The following WWTR1 variants were observed in gnomAD, a reference collection of about 807,000 sequenced individuals.
WWTR1 encodes WW domain-containing transcription regulator protein 1.
WWTR1 carries 13 observed loss-of-function variants against 40.1 expected under a neutral mutation model. That is an observed-to-expected ratio of 0.32 (90% CI 0.21 to 0.52). The LOEUF (loss-of-function observed/expected upper bound fraction) is 0.52, where lower values mean the gene tolerates loss of function less well. Among genes scored for constraint, WWTR1 ranks in the 20% least tolerant of loss-of-function variants. The pLI, the probability that WWTR1 is intolerant of heterozygous loss-of-function variation, is 0.97. For synonymous variants in WWTR1, 230 were observed against 210.1 expected (o/e 1.09, Z -0.82); for missense variants, 436 against 523.1 (o/e 0.83, Z 1.63).
At chr3:149,680,537 C>T (rs575232739) in intron 1 of WWTR1, among the ~76,000 whole-genome samples, 32 of 151,398 alleles carry the variant, frequency 2.1e-4, no homozygotes, top group African/African-American at 7.3e-4. Context: ...AAGTGAGACC[C>T]TGTCTCAAAA....
chr3:149,669,860 T>TCTTGG (rs1334251148), exon 2 of WWTR1: 2 of 151,654 alleles, frequency 1.3e-5, no homozygotes, highest in Non-Finnish European at 2.9e-5. Flanking sequence ...AAGATAAGAG[T>TCTTGG]CAGATGAGCA....
At chr3:149,604,063 T>C (rs1397490364) in intron 2 of WWTR1, among the ~76,000 whole-genome samples, 1 of 152,208 alleles carries the variant, frequency 6.6e-6, no homozygotes, top group Non-Finnish European at 1.5e-5. Flanking sequence ...AGTAATACTA[T>C]AAGTAGTAGT....
At chr3:149,621,285 T>A (rs1201853369) in intron 2 of WWTR1, among the ~76,000 whole-genome samples, 1 of 152,230 alleles carries the variant, frequency 6.6e-6, no homozygotes, top group Non-Finnish European at 1.5e-5. Context: ...TTTTAAAAAT[T>A]CCAGACAGTA....
Position 149,520,591 on chromosome 3 carries a change from T to C in WWTR1, c.*214A>G. ...ATAATCTGTCACAAGAACGCAGGCTTGCAGAAAATGAAAATAGAATATTTA... is the reference window on the plus strand; with the variant it reads ...ATAATCTGTCACAAGAACGCAGGCTCGCAGAAAATGAAAATAGAATATTTA... On this transcript the variant is annotated 3_prime_UTR_variant, in exon 7 of 7. Coordinates refer to ENST00000360632, the MANE Select transcript of WWTR1 (RefSeq NM_015472.6). 1 of 414,818 alleles carries C rather than the reference T, an allele frequency of 2.4e-6. No individual in the cohort carries two copies. The highest frequency in any genetic ancestry group is 4.2e-6 in the Non-Finnish European group (1 of 239,490). 25.7% of individuals were successfully genotyped at this position (414,818 alleles called of 1,614,324 possible).
intron 1 of WWTR1, among the ~76,000 whole-genome samples, chr3:149,696,212 T>C (rs1441494588): frequency 6.6e-6 from 1 of 150,390 alleles, no homozygotes; most frequent in Non-Finnish European, 1.5e-5. Context: ...CTCAAACAAA[T>C]GCAGGCCGAA....
At position 149,561,629 on chromosome 3, in the gene WWTR1, A is replaced by G. The variant is rs111353562; in HGVS notation, c.568+11235T>C. On this transcript the variant is annotated intron_variant, in intron 3 of 6. Coordinates refer to ENST00000360632, the MANE Select transcript of WWTR1 (RefSeq NM_015472.6). Reference sequence around the variant, plus strand: ...CATTGTTTAGTAATAGTGACCAACCAGAAAATAAACTAAATATCCAGCACA... The same window carrying G: ...CATTGTTTAGTAATAGTGACCAACCGGAAAATAAACTAAATATCCAGCACA... 3.4e-3 allele frequency among the ~76,000 whole-genome samples: 516 copies of G among 152,372 alleles called. 1 individual carries two copies. Among genetic ancestry groups the G allele is most frequent in the African/African-American group, 0.011 (474 of 41,586 alleles).
intron 5 of WWTR1, among the ~76,000 whole-genome samples, chr3:149,717,062 G>A (rs1715620988): frequency 6.6e-6 from 1 of 152,112 alleles, no homozygotes. Flanking sequence ...CAGCTATCTG[G>A]GGGCTGACGT....
At chr3:149,647,299 A>C (rs1712586048) in intron 2 of WWTR1, among the ~76,000 whole-genome samples, 1 of 152,118 alleles carries the variant, frequency 6.6e-6, no homozygotes, top group Non-Finnish European at 1.5e-5. Flanking sequence ...CTCTTTAAAA[A>C]CTTTTTTTTT....
upstream of WWTR1, among the ~76,000 whole-genome samples, chr3:149,662,301 G>A (rs1366537713): frequency 6.6e-6 from 1 of 152,132 alleles, no homozygotes; most frequent in African/African-American, 2.4e-5. Context: ...TAAATCGTGT[G>A]ATACTTTTTG....
chr3:149,679,817 C>T (rs1452976839), intron 1 of WWTR1, among the ~76,000 whole-genome samples: 1 of 152,120 alleles, frequency 6.6e-6, no homozygotes, highest in Non-Finnish European at 1.5e-5. Flanking sequence ...CTTAACTGTC[C>T]TACACTGCCT....
intron 4 of WWTR1, among the ~76,000 whole-genome samples, chr3:149,533,986 G>A (rs575079304): frequency 8.5e-5 from 13 of 152,050 alleles, no homozygotes; most frequent in African/African-American, 3.1e-4. Context: ...TGGCTAACAT[G>A]GTGAAACCTT....
chr3:149,581,624 T>G (rs150393112), intron 2 of WWTR1, among the ~76,000 whole-genome samples: 14 of 152,316 alleles, frequency 9.2e-5, no homozygotes, highest in African/African-American at 3.4e-4. Flanking sequence ...GTCTCTACCA[T>G]TCACTTGCCA....
At chr3:149,585,436 A>G (rs1004256831) in intron 2 of WWTR1, among the ~76,000 whole-genome samples, 3 of 152,186 alleles carry the variant, frequency 2.0e-5, no homozygotes, top group Non-Finnish European at 4.4e-5. Flanking sequence ...CACCTGGCTG[A>G]TATACTTGAT....
At chr3:149,533,589 G>A (rs560828379) in intron 4 of WWTR1, among the ~76,000 whole-genome samples, 1 of 152,370 alleles carries the variant, frequency 6.6e-6, no homozygotes, top group South Asian at 2.1e-4. Flanking sequence ...TTCTGAAACA[G>A]TAGTTGGGGT....
intron 2 of WWTR1, among the ~76,000 whole-genome samples, chr3:149,578,816 G>C (rs1738012694): frequency 6.6e-6 from 1 of 152,082 alleles, no homozygotes. Context: ...GGAGGCGGAG[G>C]TTGCAGTGAG....
intron 2 of WWTR1, among the ~76,000 whole-genome samples, chr3:149,594,780 C>G (rs1003640551): frequency 2.0e-5 from 3 of 151,388 alleles, no homozygotes; most frequent in South Asian, 2.1e-4. Context: ...TTTGGAACAA[C>G]TGGGGGAATT....
intron 1 of WWTR1, chr3:149,702,318 T>C (rs1302050570): frequency 6.6e-6 from 1 of 152,178 alleles, no homozygotes; most frequent in Non-Finnish European, 1.5e-5. Flanking sequence ...GCAAGTGTTA[T>C]GAATGTTGTC....
chr3:149,715,573 A>G (rs1484836045), intron 5 of WWTR1, among the ~76,000 whole-genome samples: 2 of 152,234 alleles, frequency 1.3e-5, no homozygotes, highest in African/African-American at 4.8e-5. Context: ...AAGGGCCAGT[A>G]GCATGAGCTG....
chr3:149,577,898 C>A (rs1737959454), intron 2 of WWTR1, among the ~76,000 whole-genome samples: 1 of 152,042 alleles, frequency 6.6e-6, no homozygotes, highest in Non-Finnish European at 1.5e-5. Flanking sequence ...TCCTCTCAAG[C>A]CACTGCTACC....
Sources: allele counts gnomAD v4.1 joint callset (sites outside exome capture counted in the v4.1 genomes callset), GRCh38; gene constraint gnomAD v4.1.1; transcripts MANE v1.5; gene names NCBI Gene and HGNC (gene_info 2026-07-23, HGNC 2026-07-21).